Variants in CHRDL2 observed in about 807,000 individuals in gnomAD.
CHRDL2 encodes chordin like 2.
In CHRDL2, 41 loss-of-function variants were observed where a neutral mutation model predicts 54.3. The ratio of observed to expected loss-of-function variants is 0.76; its 90% CI spans 0.59 to 0.98. The LOEUF (loss-of-function observed/expected upper bound fraction) is 0.98. Ranked by LOEUF, CHRDL2 falls within the 50% of genes least tolerant of loss-of-function variation. The pLI is 0.00. For synonymous variants in CHRDL2, 220 were observed against 224.3 expected, an observed-to-expected ratio of 0.98 and a Z score of 0.17; for missense variants, 518 against 562.4, an observed-to-expected ratio of 0.92 and a Z score of 0.80.
At chr11:74,700,857 T>G (rs2033784658) in intron 9 of CHRDL2, 1 of 152,138 alleles carries the variant, frequency 6.6e-6, no homozygotes, top group South Asian at 2.1e-4. Context: ...GGTCTCAAAC[T>G]CCTGGGCTCA....
chr11:74,723,856 A>G (rs2034533853), intron 1 of CHRDL2, among the ~76,000 whole-genome samples: 1 of 152,158 alleles, frequency 6.6e-6, no homozygotes. Context: ...GGAATTTCCA[A>G]TTTAACATTT....
intron 2 of CHRDL2, among the ~76,000 whole-genome samples, chr11:74,713,927 C>T (rs1002816807): frequency 3.3e-5 from 5 of 152,148 alleles, no homozygotes; most frequent in South Asian, 2.1e-4. Context: ...GTGGAGAAGA[C>T]GGATGGCTTT....
At chr11:74,702,025 C>A (rs746748352) in intron 9 of CHRDL2, among the ~76,000 whole-genome samples, 2 of 151,970 alleles carry the variant, frequency 1.3e-5, no homozygotes, top group Non-Finnish European at 1.5e-5. Context: ...AGGCTGATGC[C>A]GGAGGATTGC....
At chr11:74,719,803 G>A (rs1730944396) in intron 1 of CHRDL2, among the ~76,000 whole-genome samples, 1 of 152,080 alleles carries the variant, frequency 6.6e-6, no homozygotes, top group South Asian at 2.1e-4. Context: ...TGAAACCTCT[G>A]CCTTTCTCAC....
chr11:74,714,747 A>G (rs1359395122), intron 2 of CHRDL2, among the ~76,000 whole-genome samples: 1 of 152,224 alleles, frequency 6.6e-6, no homozygotes, highest in East Asian at 1.9e-4. Context: ...AGAAACTAGG[A>G]TGGAGTGCAA....
intron 4 of CHRDL2, among the ~76,000 whole-genome samples, chr11:74,708,779 C>T (rs1173302045): frequency 6.6e-6 from 1 of 152,216 alleles, no homozygotes; most frequent in Non-Finnish European, 1.5e-5. Flanking sequence ...AAATCAACAT[C>T]ATGGGAGGGG....
At chr11:74,697,511 G>A in intron 9 of CHRDL2, 4 of 580,516 alleles carry the variant, frequency 6.9e-6, no homozygotes, top group Middle Eastern at 2.7e-4. Flanking sequence ...CTGTTGTCTT[G>A]TCTGGGTCAC....
rs548844664 is a variant in CHRDL2, at chr11:74,711,636, G to A, written c.290-645C>T. Among the ~76,000 whole-genome samples the A allele has an allele frequency of 2.0e-5, 3 of 152,184 alleles. No homozygotes were observed. In the South Asian group the frequency reaches 6.2e-4, roughly 32 times the overall value. The stretch of plus-strand genomic sequence containing the variant: ...GTTCTACGCACCATGCTAGGCATTG[G>A]GAATGGAGCAATGAGTAAGATTTAG... On this transcript the variant is annotated intron_variant, in intron 3 of 10. Coordinates refer to ENST00000376332, the MANE Select transcript of CHRDL2 (RefSeq NM_001278473.3).
chr11:74,726,699 C>T (rs1362800683), intron 1 of CHRDL2, among the ~76,000 whole-genome samples: 2 of 152,208 alleles, frequency 1.3e-5, no homozygotes, highest in Non-Finnish European at 2.9e-5. Context: ...AACTGCGCAG[C>T]TGTTGCCGGG....
At chr11:74,707,195 T>C (rs1358817897) in intron 5 of CHRDL2, among the ~76,000 whole-genome samples, 3 of 152,218 alleles carry the variant, frequency 2.0e-5, no homozygotes, top group East Asian at 3.9e-4. Flanking sequence ...ACCCAGAACA[T>C]TGGAATTAGA....
intron 2 of CHRDL2, among the ~76,000 whole-genome samples, chr11:74,716,108 A>G (rs2135265541): frequency 6.6e-6 from 1 of 152,336 alleles, no homozygotes; most frequent in East Asian, 1.9e-4. Flanking sequence ...CTGGGAGATG[A>G]GAAGGAACTG....
intron 6 of CHRDL2, among the ~76,000 whole-genome samples, chr11:74,705,825 G>C (rs903112399): frequency 2.0e-5 from 3 of 152,134 alleles, no homozygotes; most frequent in Non-Finnish European, 2.9e-5. Context: ...GAAGGGTGTG[G>C]ACATGGGCTC....
rs776097492 is a variant in CHRDL2, at chr11:74,713,458, G to A, written c.217C>T (p.Arg73Cys). 12 of 1,614,124 alleles carry A rather than the reference G, an allele frequency of 7.4e-6. No individual in the cohort carries two copies. The highest frequency in any genetic ancestry group is 3.3e-5 in the South Asian group (3 of 91,088). ...CSEGAHVSCY[R>C]LHCPPVHCPQ... is the part of the protein sequence containing the mutation. ...CAGTGGACAGGCGGACAGTGGAGGC[G>A]GTAACAACTCACATGGGCGCCCTGA... is the stretch of plus-strand genomic sequence containing the variant. The change falls in exon 3 of 11, where the codon CGC (arginine) becomes TGC (cysteine). Residue 73 changes from arginine (R) to cysteine (C), a missense_variant. Arg to Cys is a radical substitution (Grantham distance 180, BLOSUM62 -3). Transcript: ENST00000376332.
intron 9 of CHRDL2, among the ~76,000 whole-genome samples, chr11:74,699,908 G>A (rs1175684044): frequency 3.3e-5 from 5 of 152,228 alleles, no homozygotes; most frequent in Admixed American, 1.3e-4. Flanking sequence ...GATGGGGTGC[G>A]GTTTGCTAGT....
intron 9 of CHRDL2, among the ~76,000 whole-genome samples, chr11:74,702,129 A>G (rs2033836255): frequency 6.6e-6 from 1 of 151,928 alleles, no homozygotes; most frequent in Non-Finnish European, 1.5e-5. Context: ...GGTGGCTCAT[A>G]ACTGTGGTCC....
chr11:74,714,398 C>T lies in CHRDL2; in HGVS notation c.196-919G>A, dbSNP rs903650234. Among the ~76,000 whole-genome samples the T allele has an allele frequency of 1.1e-4, 16 of 152,192 alleles. 1 individual carries two copies. The highest frequency in any genetic ancestry group is 2.9e-4 in the African/African-American group (12 of 41,446). On this transcript the variant is annotated intron_variant, in intron 2 of 10. Coordinates refer to ENST00000376332, the MANE Select transcript of CHRDL2 (RefSeq NM_001278473.3). Reference sequence around the variant, plus strand: ...CTAGATGAAGGAAGCCCGCTTTGTTCACAATTCTGAAGTTGGCGAAGTTTG... The same window carrying T: ...CTAGATGAAGGAAGCCCGCTTTGTTTACAATTCTGAAGTTGGCGAAGTTTG...
chr11:74,710,784 G>A (rs1318433236), intron 4 of CHRDL2, 65 bp downstream of exon 4: 4 of 1,568,788 alleles, frequency 2.5e-6, no homozygotes, highest in South Asian at 1.2e-5. Context: ...CCGCAGTCCA[G>A]GCTACTATGT....
At chr11:74,725,889 C>CT (rs1225967738) in intron 1 of CHRDL2, among the ~76,000 whole-genome samples, 3 of 152,202 alleles carry the variant, frequency 2.0e-5, no homozygotes, top group Non-Finnish European at 4.4e-5. Context: ...GCCATACTTT[C>CT]TCTATTTATT....
At chr11:74,724,506 T>A (rs779932705) in intron 1 of CHRDL2, among the ~76,000 whole-genome samples, 4 of 152,208 alleles carry the variant, frequency 2.6e-5, no homozygotes, top group Non-Finnish European at 5.9e-5. Context: ...CCAGCAAAAC[T>A]TTTTGTGGTG....
Sources: allele counts gnomAD v4.1 joint callset (sites outside exome capture counted in the v4.1 genomes callset), GRCh38; gene constraint gnomAD v4.1.1; transcripts MANE v1.5; gene names NCBI Gene and HGNC (gene_info 2026-07-23, HGNC 2026-07-21).